Variants in CSMD1 observed in about 807,000 individuals in gnomAD.
CSMD1 encodes the protein CUB and Sushi multiple domains 1.
In CSMD1, 213 loss-of-function variants were observed where a neutral mutation model predicts 417.5. The observed-to-expected ratio is 0.51, with a 90% confidence interval of 0.46 to 0.57. The LOEUF (loss-of-function observed/expected upper bound fraction) is 0.57, where lower values mean the gene tolerates loss of function less well. Ranked by LOEUF, CSMD1 falls within the 20% of genes least tolerant of loss-of-function variation. CSMD1 has a pLI of 0.00. For synonymous variants in CSMD1, 2,862 were observed against 1,736.8 expected (o/e 1.65, Z -16.11); for missense variants, 6,923 against 4,529.7 (o/e 1.53, Z -15.17).
intron 5 of CSMD1, among the ~76,000 whole-genome samples, chr8:3,945,198 C>T (rs1193508936): frequency 8.6e-6 from 1 of 116,086 alleles, no homozygotes; most frequent in Admixed American, 8.5e-5. Context: ...AAAAAAAAAA[C>T]AGAAGCTAAC....
chr8:4,437,396 G>C (rs969568726), intron 2 of CSMD1, among the ~76,000 whole-genome samples: 2 of 152,080 alleles, frequency 1.3e-5, no homozygotes, highest in African/African-American at 4.8e-5. Context: ...CTGTAATCAT[G>C]ACTAGCAAAG....
At chr8:4,967,213 C>G (rs1234814868) in intron 1 of CSMD1, among the ~76,000 whole-genome samples, 1 of 152,090 alleles carries the variant, frequency 6.6e-6, no homozygotes, top group Non-Finnish European at 1.5e-5. Flanking sequence ...CAAAGAAGAG[C>G]ACAGCAGTAA....
intron 30 of CSMD1, among the ~76,000 whole-genome samples, chr8:3,208,300 C>T (rs1424781583): frequency 6.6e-6 from 1 of 152,178 alleles, no homozygotes; most frequent in Non-Finnish European, 1.5e-5. Context: ...CTTCTGATCG[C>T]TCTGTCACCA....
At chr8:3,674,781 G>C (rs995004018) in intron 7 of CSMD1, among the ~76,000 whole-genome samples, 10 of 152,090 alleles carry the variant, frequency 6.6e-5, no homozygotes, top group Admixed American at 3.9e-4. Context: ...GGTAACTATA[G>C]TTTTCAAAGA....
At chr8:4,742,683 G>A (rs1810702538) in intron 1 of CSMD1, among the ~76,000 whole-genome samples, 1 of 152,094 alleles carries the variant, frequency 6.6e-6, no homozygotes, top group African/African-American at 2.4e-5. Flanking sequence ...TTTCAGTGTT[G>A]ACAATCAGGT....
At chr8:4,318,696 A>T (rs867860344) in intron 3 of CSMD1, among the ~76,000 whole-genome samples, 2 of 118,840 alleles carry the variant, frequency 1.7e-5, no homozygotes, top group African/African-American at 2.9e-5. Flanking sequence ...CAAAGGCTTA[A>T]TATTATTTTA....
chr8:3,829,485 C>G (rs570952760), intron 5 of CSMD1, among the ~76,000 whole-genome samples: 3 of 152,234 alleles, frequency 2.0e-5, no homozygotes, highest in South Asian at 2.1e-4. Context: ...CCCTGCTGTT[C>G]TTGAGTATTT....
intron 3 of CSMD1, among the ~76,000 whole-genome samples, chr8:4,353,915 C>T (rs1018654118): frequency 6.6e-6 from 1 of 152,132 alleles, no homozygotes; most frequent in Non-Finnish European, 1.5e-5. Context: ...GCTGTTTTTA[C>T]ACAATGTTCA....
rs779369594 is a variant in CSMD1 at position 4,109,681 on chromosome 8, T to G, written c.416-77582A>C. Among the ~76,000 whole-genome samples, 7 of 152,170 alleles carry G rather than the reference T, an allele frequency of 4.6e-5. No homozygotes were observed. The South Asian group carries it at 8.3e-4, about 18-fold the overall frequency. ...TGTTGTCCATTATCATTAAATAATT[T>G]TCAAGATACTCCGAGGCATATGATG... On this transcript the variant is annotated intron_variant, in intron 3 of 69. Transcript: ENST00000635120.
intron 3 of CSMD1, among the ~76,000 whole-genome samples, chr8:4,101,200 C>A (rs1801286800): frequency 6.6e-6 from 1 of 152,208 alleles, no homozygotes; most frequent in Non-Finnish European, 1.5e-5. Context: ...TGCCTACATA[C>A]ACGTATGAAT....
Position 3,443,595 on chromosome 8 carries a change from G to T in CSMD1, c.1561+25117C>A, listed in dbSNP as rs185379380. On this transcript the variant is annotated intron_variant, in intron 12 of 69. Coordinates refer to ENST00000635120, the MANE Select transcript of CSMD1 (RefSeq NM_033225.6). The stretch of plus-strand genomic sequence containing the variant: ...CAGTTTAGAAGAGAAGGAAGCAGAA[G>T]TGAGACCTTCAAATTATACCTACCT... Among the ~76,000 whole-genome samples the T allele has an allele frequency of 5.3e-4, 80 of 152,306 alleles. 1 individual carries two copies. The East Asian group carries it at 0.015, about 28-fold the overall frequency.
intron 1 of CSMD1, among the ~76,000 whole-genome samples, chr8:4,753,406 CACACACA>C (rs1563296604): frequency 0.018 from 951 of 52,650 alleles, 8 homozygotes; most frequent in South Asian, 0.061. Context: ...CCATAAACCA[CACACACA>C]CACACACACA....
At chr8:3,052,306 T>C (rs1330735799) in intron 50 of CSMD1, among the ~76,000 whole-genome samples, 156 bp downstream of exon 50, 1 of 152,196 alleles carries the variant, frequency 6.6e-6, no homozygotes, top group Non-Finnish European at 1.5e-5. Flanking sequence ...ATATTTTATA[T>C]GAAATACATT....
At chr8:4,330,955 T>A (rs1293572766) in intron 3 of CSMD1, among the ~76,000 whole-genome samples, 3 of 152,126 alleles carry the variant, frequency 2.0e-5, no homozygotes, top group Non-Finnish European at 4.4e-5. Flanking sequence ...TTTTTATAAC[T>A]AAATGCAAGA....
In CSMD1 at chr8:4,949,293, G is replaced by A. The variant is rs547832293; in HGVS notation, c.85+45039C>T. 9.8e-4 allele frequency among the ~76,000 whole-genome samples: 133 copies of A among 135,500 alleles called. No homozygotes were observed. The Middle Eastern group carries it at 0.011, about 11-fold the overall frequency. The allele number at this position is 135,500 out of a possible 152,430, so 88.9% of individuals were successfully genotyped here. Reference sequence around the variant, plus strand: ...GGATTGTCCTTTTCCTATGGTATGCGTAGCTGTTTTGTTAAAAAAAAGTTA... The same window carrying A: ...GGATTGTCCTTTTCCTATGGTATGCATAGCTGTTTTGTTAAAAAAAAGTTA... On this transcript the variant is annotated intron_variant, in intron 1 of 69. Transcript: ENST00000635120.
At chr8:3,668,273 G>A (rs1421945397) in intron 7 of CSMD1, among the ~76,000 whole-genome samples, 1 of 152,188 alleles carries the variant, frequency 6.6e-6, no homozygotes, top group South Asian at 2.1e-4. Context: ...AGCCTGCGAA[G>A]ATGGCCCTGT....
chr8:2,962,454 G>C lies in CSMD1; in HGVS notation c.9628+12C>G, dbSNP rs191172791. On this transcript the variant is annotated intron_variant, in intron 61 of 69. Transcript: ENST00000635120. ...CTCCCAGGTATCCCCAGAGCTGTAT[G>C]ATAATTATTACCAATGCAGGTGGGT... The C allele has an allele frequency of 4.4e-4, 708 of 1,610,282 alleles. 2 individuals carry two copies. In the African/African-American group the frequency reaches 8.5e-3, roughly 19 times the overall value.
At chr8:4,431,607 C>A (rs1315975916) in intron 2 of CSMD1, among the ~76,000 whole-genome samples, 1 of 152,038 alleles carries the variant, frequency 6.6e-6, no homozygotes, top group East Asian at 1.9e-4. Flanking sequence ...GTGGCAAAAA[C>A]CAAAACCAAA....
chr8:4,971,953 T>G (rs746644808), intron 1 of CSMD1, among the ~76,000 whole-genome samples: 9 of 152,030 alleles, frequency 5.9e-5, no homozygotes, highest in Non-Finnish European at 1.0e-4. Context: ...ACATCATGCA[T>G]TTGAAGGATA....
Sources: gnomAD v4.1 joint callset for allele counts (sites outside exome capture counted in the v4.1 genomes callset) on GRCh38, gnomAD v4.1.1 for gene constraint, MANE v1.5 for transcripts, NCBI Gene and HGNC (gene_info 2026-07-23, HGNC 2026-07-21) for gene names.